The following NAALADL2 variants were observed in gnomAD, a reference collection of about 807,000 sequenced individuals.
The protein encoded by NAALADL2 is N-acetylated alpha-linked acidic dipeptidase like 2.
A neutral mutation model predicts 87.2 loss-of-function variants in NAALADL2; 76 were observed. That is an observed-to-expected ratio of 0.87 (90% CI 0.72 to 1.05). The LOEUF (loss-of-function observed/expected upper bound fraction) is 1.05, where lower values mean the gene tolerates loss of function less well. Ranked by LOEUF, NAALADL2 falls within the 50% of genes least tolerant of loss-of-function variation. NAALADL2 has a pLI of 0.00. For synonymous variants in NAALADL2, 354 were observed against 331.0 expected (o/e 1.07, Z -0.75); for missense variants, 1,089 against 945.8 (o/e 1.15, Z -1.99).
chr3:174,791,851 G>T (rs901495391), intron 3 of NAALADL2, among the ~76,000 whole-genome samples: 1 of 152,060 alleles, frequency 6.6e-6, no homozygotes, highest in African/African-American at 2.4e-5. Context: ...ATTCATTGAG[G>T]TATTTTGTGC....
At chr3:174,933,927 C>T (rs981855374) in intron 1 of NAALADL2, among the ~76,000 whole-genome samples, 3 of 152,132 alleles carry the variant, frequency 2.0e-5, no homozygotes, top group African/African-American at 7.2e-5. Context: ...AACCTCATTA[C>T]ACTTCTATGG....
chr3:175,618,662 A>G (rs757192366), intron 10 of NAALADL2, among the ~76,000 whole-genome samples: 1 of 152,120 alleles, frequency 6.6e-6, no homozygotes, highest in Admixed American at 6.6e-5. Context: ...GGAGTGACAC[A>G]GGATGGAGGG....
At chr3:175,672,647 C>G (rs1734156941) in intron 11 of NAALADL2, among the ~76,000 whole-genome samples, 1 of 152,090 alleles carries the variant, frequency 6.6e-6, no homozygotes, top group Non-Finnish European at 1.5e-5. Context: ...TGAACTGAAA[C>G]TAAAAGAGTA....
intron 2 of NAALADL2, among the ~76,000 whole-genome samples, chr3:174,674,762 GT>G (rs1190133300): frequency 6.6e-6 from 1 of 151,742 alleles, no homozygotes; most frequent in African/African-American, 2.4e-5. Flanking sequence ...CTCTTTGTAT[GT>G]TTTTTTCTGA....
At chr3:175,759,516 C>A (rs975945329) in intron 13 of NAALADL2, among the ~76,000 whole-genome samples, 1 of 152,052 alleles carries the variant, frequency 6.6e-6, no homozygotes, top group Non-Finnish European at 1.5e-5. Flanking sequence ...TGCCACCATG[C>A]CTGGCTCATT....
intron 4 of NAALADL2, among the ~76,000 whole-genome samples, chr3:175,275,887 A>G (rs192078844): frequency 4.4e-4 from 67 of 151,120 alleles, no homozygotes; most frequent in Middle Eastern, 3.4e-3. Context: ...ATAGTAAGAA[A>G]ACTCCTAAAA....
intron 13 of NAALADL2, among the ~76,000 whole-genome samples, chr3:175,756,507 A>C (rs1747279651): frequency 6.6e-6 from 1 of 152,136 alleles, no homozygotes; most frequent in African/African-American, 2.4e-5. Context: ...AAGGAATGAA[A>C]TCATGTCTGT....
intron 2 of NAALADL2, among the ~76,000 whole-genome samples, chr3:174,667,545 G>GT (rs71162402): frequency 0.018 from 2,219 of 123,746 alleles, 55 homozygotes; most frequent in African/African-American, 0.056. Context: ...ATGGGAGAGA[G>GT]TTTTTTTTTT....
At chr3:175,349,027 A>C (rs1389018859) in intron 5 of NAALADL2, among the ~76,000 whole-genome samples, 1 of 152,124 alleles carries the variant, frequency 6.6e-6, no homozygotes, top group African/African-American at 2.4e-5. Context: ...AGAGGAACAC[A>C]CATACATAGT....
chr3:174,898,151 A>C (rs1476005757), intron 1 of NAALADL2, among the ~76,000 whole-genome samples: 1 of 148,474 alleles, frequency 6.7e-6, no homozygotes, highest in African/African-American at 2.5e-5. Context: ...AAAGAAAAAA[A>C]GAATGAGATC....
chr3:174,590,473 G>A (rs1038162344), intron 2 of NAALADL2, among the ~76,000 whole-genome samples: 4 of 151,998 alleles, frequency 2.6e-5, no homozygotes, highest in African/African-American at 9.7e-5. Context: ...TGTTTTAAAA[G>A]CTATCTTGAA....
chr3:175,323,541 A>G (rs1429128992), intron 4 of NAALADL2, among the ~76,000 whole-genome samples: 1 of 152,090 alleles, frequency 6.6e-6, no homozygotes, highest in Non-Finnish European at 1.5e-5. Flanking sequence ...AATCCAAAAA[A>G]AGTAGAAAGT....
intron 11 of NAALADL2, among the ~76,000 whole-genome samples, chr3:175,697,010 T>A (rs2149941033): frequency 6.6e-6 from 1 of 152,178 alleles, no homozygotes; most frequent in Admixed American, 6.6e-5. Flanking sequence ...TACCTAAGAA[T>A]ACTGTTACAA....
At chr3:175,498,136 A>G (rs185312735) in intron 9 of NAALADL2, among the ~76,000 whole-genome samples, 2 of 152,278 alleles carry the variant, frequency 1.3e-5, no homozygotes, top group African/African-American at 4.8e-5. Context: ...TACAGATAGC[A>G]CAGTCAGAAA....
At chr3:175,011,280 C>CAGAGAGAGAG (rs139229550) in intron 1 of NAALADL2, among the ~76,000 whole-genome samples, 14 of 113,556 alleles carry the variant, frequency 1.2e-4, no homozygotes, top group Non-Finnish European at 1.0e-4. Flanking sequence ...GACAGAGAGA[C>CAGAGAGAGAG]AGAGAGAGAG....
intron 1 of NAALADL2, among the ~76,000 whole-genome samples, chr3:175,040,171 T>G (rs1753900043): frequency 6.6e-6 from 1 of 152,176 alleles, no homozygotes; most frequent in African/African-American, 2.4e-5. Flanking sequence ...ATTGTAATCA[T>G]TCTTTTCAAA....
intron 1 of NAALADL2, among the ~76,000 whole-genome samples, chr3:174,503,238 C>T (rs532403554): frequency 4.6e-5 from 7 of 152,182 alleles, no homozygotes; most frequent in African/African-American, 1.4e-4. Context: ...GGTAGTATGC[C>T]TGAGTACTCT....
At chr3:175,324,879 A>G (rs1560363264) in intron 5 of NAALADL2, among the ~76,000 whole-genome samples, 2 of 152,178 alleles carry the variant, frequency 1.3e-5, no homozygotes, top group African/African-American at 2.4e-5. Context: ...TGCAGCAAAT[A>G]TCTTTCTTTT....
intron 1 of NAALADL2, among the ~76,000 whole-genome samples, chr3:174,882,978 G>A (rs954077970): frequency 1.1e-4 from 17 of 151,546 alleles, no homozygotes; most frequent in East Asian, 2.0e-4. Flanking sequence ...ACAAGGTTTC[G>A]CAATAGCCCG....
Sources: allele counts gnomAD v4.1 joint callset (sites outside exome capture counted in the v4.1 genomes callset), GRCh38; gene constraint gnomAD v4.1.1; transcripts MANE v1.5; gene names NCBI Gene and HGNC (gene_info 2026-07-23, HGNC 2026-07-21).